CCBE1: variants seen among roughly 807,000 people sequenced by gnomAD.
CCBE1 encodes collagen and calcium-binding EGF domain-containing protein 1.
A neutral mutation model predicts 50.0 loss-of-function variants in CCBE1; 37 were observed. The observed-to-expected ratio is 0.74, with a 90% CI of 0.57 to 0.97. CCBE1 has a LOEUF of 0.97. Among genes scored for constraint, CCBE1 ranks in the 50% least tolerant of loss-of-function variants. CCBE1 has a pLI of 0.00. For synonymous variants in CCBE1, 234 were observed against 203.7 expected, an observed-to-expected ratio of 1.15 and a Z score of -1.27; for missense variants, 538 against 523.8, an observed-to-expected ratio of 1.03 and a Z score of -0.26.
intron 2 of CCBE1, among the ~76,000 whole-genome samples, chr18:59,569,634 T>A (rs2052880055): frequency 7.8e-6 from 1 of 128,440 alleles, no homozygotes; most frequent in Non-Finnish European, 1.7e-5. Flanking sequence ...CCCCGCCCTT[T>A]TAAAAAAAAA....
intron 2 of CCBE1, among the ~76,000 whole-genome samples, chr18:59,681,138 C>T (rs192617337): frequency 1.2e-4 from 18 of 151,918 alleles, no homozygotes; most frequent in East Asian, 1.9e-4. Flanking sequence ...CCATTTCCCT[C>T]GGAATCTTTA....
intron 2 of CCBE1, among the ~76,000 whole-genome samples, chr18:59,505,962 C>T (rs992423535): frequency 6.6e-6 from 1 of 152,166 alleles, no homozygotes; most frequent in Admixed American, 6.5e-5. Context: ...GGAACCATGG[C>T]GGCAGGTGCA....
intron 2 of CCBE1, among the ~76,000 whole-genome samples, chr18:59,554,412 G>T (rs1916036773): frequency 6.6e-6 from 1 of 152,204 alleles, no homozygotes; most frequent in Non-Finnish European, 1.5e-5. Context: ...TGCATCCCAT[G>T]TTACACACAG....
At chr18:59,581,863 C>T (rs192937585) in intron 2 of CCBE1, among the ~76,000 whole-genome samples, 1 of 152,298 alleles carries the variant, frequency 6.6e-6, no homozygotes, top group Admixed American at 6.5e-5. Context: ...CACCTCCCCG[C>T]TGAGAACCAC....
chr18:59,643,274 G>T (rs534049792), intron 2 of CCBE1, among the ~76,000 whole-genome samples: 1 of 152,224 alleles, frequency 6.6e-6, no homozygotes, highest in South Asian at 2.1e-4. Flanking sequence ...TTTTCAAACT[G>T]ATGTTCACAG....
intron 2 of CCBE1, among the ~76,000 whole-genome samples, chr18:59,572,231 A>G (rs2052925176): frequency 6.6e-6 from 1 of 152,206 alleles, no homozygotes; most frequent in Non-Finnish European, 1.5e-5. Flanking sequence ...CAATCCCTCA[A>G]TCAGCTTGCT....
At chr18:59,596,365 T>G (rs906090174) in intron 2 of CCBE1, among the ~76,000 whole-genome samples, 3 of 152,216 alleles carry the variant, frequency 2.0e-5, no homozygotes, top group Non-Finnish European at 4.4e-5. Flanking sequence ...TAATCATTAG[T>G]CTTCCTTGTT....
chr18:59,656,511 G>A (rs1037240814), intron 2 of CCBE1, among the ~76,000 whole-genome samples: 36 of 152,204 alleles, frequency 2.4e-4, no homozygotes, highest in Middle Eastern at 3.4e-3. Context: ...TACCTTCCGC[G>A]GAGCCAATGC....
chr18:59,439,039 C>A (rs1048323661), intron 9 of CCBE1, among the ~76,000 whole-genome samples: 1 of 152,268 alleles, frequency 6.6e-6, no homozygotes, highest in African/African-American at 2.4e-5. Context: ...GTAATCCCAG[C>A]ACTTGGGGAG....
chr18:59,621,586 C>A lies in CCBE1; in HGVS notation c.212+75043G>T, dbSNP rs549389096. Among the ~76,000 whole-genome samples, 11 of 152,288 alleles carry A rather than the reference C, an allele frequency of 7.2e-5. No individual in the cohort carries two copies. In the East Asian group the frequency reaches 2.1e-3, roughly 29 times the overall value. ...CATGGGCTATAACTGAATCCCAGAACAATCCTTCAAGTAACACAGGATTGT... is the reference window on the plus strand; with the variant it reads ...CATGGGCTATAACTGAATCCCAGAAAAATCCTTCAAGTAACACAGGATTGT... On this transcript the variant is annotated intron_variant, in intron 2 of 10. Coordinates refer to ENST00000439986, the MANE Select transcript of CCBE1 (RefSeq NM_133459.4).
chr18:59,445,371 T>G (rs919462817), intron 7 of CCBE1, among the ~76,000 whole-genome samples: 3 of 152,216 alleles, frequency 2.0e-5, no homozygotes, highest in Non-Finnish European at 4.4e-5. Context: ...GGCTGCTTAG[T>G]AAATGTTTTT....
chr18:59,435,636 G>T lies in CCBE1; in HGVS notation c.*272C>A. ...AAATCCAAAGTTCCTGGAAAAATAG[G>T]ATGTAAAAGAAAAGTTACAATGCAA... On this transcript the variant is annotated 3_prime_UTR_variant, in exon 11 of 11. Coordinates refer to ENST00000439986, the MANE Select transcript of CCBE1 (RefSeq NM_133459.4). The T allele has an allele frequency of 2.0e-6, 1 of 495,480 alleles. No individual in the cohort carries two copies. The highest frequency in any genetic ancestry group is 3.6e-6 in the Non-Finnish European group (1 of 274,944). The allele number at this position is 495,480 out of a possible 1,614,324, so 30.7% of individuals were successfully genotyped here.
intron 2 of CCBE1, among the ~76,000 whole-genome samples, chr18:59,558,383 C>T (rs4940471): frequency 0.081 from 12,321 of 152,272 alleles, 512 homozygotes; most frequent in South Asian, 0.11. Context: ...TTCAGATTCA[C>T]TCATGAATGC....
intron 2 of CCBE1, among the ~76,000 whole-genome samples, chr18:59,544,231 G>A (rs891149058): frequency 6.6e-6 from 1 of 152,200 alleles, no homozygotes; most frequent in African/African-American, 2.4e-5. Context: ...AGAAAGGAGA[G>A]CTGATTTACT....
At position 59,440,183 on chromosome 18, in the gene CCBE1, G is replaced by A. The variant is rs528677557; in HGVS notation, c.776-367C>T. On this transcript the variant is annotated intron_variant, in intron 7 of 10. Coordinates refer to ENST00000439986, the MANE Select transcript of CCBE1 (RefSeq NM_133459.4). ...CTTCTATCCACTGGATCACAGCAGA[G>A]TAGTGGCCACCACCACAGAGAAGTG... Among the ~76,000 whole-genome samples the A allele has an allele frequency of 1.0e-3, 158 of 152,304 alleles. 1 individual carries two copies. The highest frequency in any genetic ancestry group is 1.3e-3 in the Non-Finnish European group (88 of 68,026).
chr18:59,625,248 G>T (rs753291075), intron 2 of CCBE1, among the ~76,000 whole-genome samples: 3 of 151,926 alleles, frequency 2.0e-5, no homozygotes, highest in African/African-American at 7.3e-5. Flanking sequence ...TGGCTAACAC[G>T]GTGAAACCCC....
chr18:59,658,600 G>C (rs919111240), intron 2 of CCBE1, among the ~76,000 whole-genome samples: 2 of 146,558 alleles, frequency 1.4e-5, no homozygotes, highest in Admixed American at 1.4e-4. Context: ...ATCAGATATT[G>C]GCAGGGCACA....
intron 2 of CCBE1, among the ~76,000 whole-genome samples, chr18:59,563,026 A>G (rs1223826544): frequency 6.6e-6 from 1 of 152,220 alleles, no homozygotes; most frequent in Admixed American, 6.5e-5. Context: ...TTATGAGTTT[A>G]TGTATTTTTG....
At chr18:59,566,412 C>G (rs1313322002) in intron 2 of CCBE1, among the ~76,000 whole-genome samples, 1 of 152,050 alleles carries the variant, frequency 6.6e-6, no homozygotes, top group Non-Finnish European at 1.5e-5. Context: ...TTAAAACTAC[C>G]TTTAGAAAAG....
Sources: allele counts gnomAD v4.1 joint callset (sites outside exome capture counted in the v4.1 genomes callset), GRCh38; gene constraint gnomAD v4.1.1; transcripts MANE v1.5; gene names NCBI Gene and HGNC (gene_info 2026-07-23, HGNC 2026-07-21).